The following FGF14 variants were observed in gnomAD, a reference collection of about 807,000 sequenced individuals.
FGF14 encodes the protein fibroblast growth factor homologous factor 4.
A neutral mutation model predicts 25.5 loss-of-function variants in FGF14; 5 were observed. That is an observed-to-expected ratio of 0.20 (90% CI 0.10 to 0.41). FGF14 has a LOEUF of 0.41. Among genes scored for constraint, FGF14 ranks in the 10% least tolerant of loss-of-function variants. The probability of loss-of-function intolerance (pLI) is 1.00; values close to 1 mark genes in which losing one functional copy is unlikely to be tolerated. For missense variants in FGF14, 222 were observed against 320.1 expected, an observed-to-expected ratio of 0.69 and a Z score of 2.34; for synonymous variants, 138 against 118.3, an observed-to-expected ratio of 1.17 and a Z score of -1.08.
chr13:101,926,058 G>A (rs577836334), intron 1 of FGF14, among the ~76,000 whole-genome samples: 2 of 152,246 alleles, frequency 1.3e-5, no homozygotes, highest in African/African-American at 2.4e-5. Flanking sequence ...AATAATCCAG[G>A]GGAATCTCCC....
At chr13:101,788,909 TAGAGAGAGAGAGAGAGAGAG>T (rs781347440) in intron 3 of FGF14, among the ~76,000 whole-genome samples, 6 of 31,214 alleles carry the variant, frequency 1.9e-4, no homozygotes, top group South Asian at 2.0e-3. Flanking sequence ...TATATATATA[TAGAGAGAGAGAGAGAGAGAG>T]AGAGAGAGAG....
At chr13:101,919,997 A>AG (rs1340483876), upstream of FGF14, among the ~76,000 whole-genome samples, 1 of 152,052 alleles carries the variant, frequency 6.6e-6, no homozygotes, top group Non-Finnish European at 1.5e-5. Flanking sequence ...GATCTTGGAG[A>AG]GGGGGGCAGC....
chr13:102,144,687 G>T (rs1421260465), intron 1 of FGF14, among the ~76,000 whole-genome samples: 1 of 152,096 alleles, frequency 6.6e-6, no homozygotes, highest in African/African-American at 2.4e-5. Context: ...TCAAATAATT[G>T]TGAATGGTAA....
chr13:101,922,802 TAC>T lies in FGF14; in HGVS notation c.209-47508_209-47507del, dbSNP rs1422938446. On this transcript the variant is annotated intron_variant, in intron 1 of 4. Coordinates refer to the FGF14 transcript ENST00000376131. ...TGCCTTCCAAGTAGATAAGTTTCGA[TAC>T]AGTTTACTAAAAAAAAAAAGTGCCT... 2.6e-5 allele frequency among the ~76,000 whole-genome samples: 4 copies of T among 151,384 alleles called. No individual in the cohort carries two copies. In the East Asian group the frequency reaches 7.7e-4, roughly 29 times the overall value.
At position 102,200,091 on chromosome 13, in the gene FGF14, A is replaced by T. The variant is rs187677418; in HGVS notation, c.208+201380T>A. Among the ~76,000 whole-genome samples the T allele has an allele frequency of 1.8e-3, 272 of 152,324 alleles. 1 individual carries two copies. Among genetic ancestry groups the T allele is most frequent in the African/African-American group, 6.3e-3 (260 of 41,568 alleles). The stretch of plus-strand genomic sequence containing the variant: ...TCATCTGTGATGGGGAGTCATTACT[A>T]TCTGCCGCATAGAGTTGCTAATAGG... On this transcript the variant is annotated intron_variant, in intron 1 of 4. Transcript: ENST00000376131.
intron 1 of FGF14, among the ~76,000 whole-genome samples, chr13:102,189,022 GA>G (rs1566797107): frequency 1.2e-3 from 86 of 70,658 alleles, no homozygotes; most frequent in Middle Eastern, 7.8e-3. Flanking sequence ...AAGAATGAAA[GA>G]AGAAAAGAAA....
chr13:101,740,181 G>T (rs768445414), intron 3 of FGF14, among the ~76,000 whole-genome samples: 5 of 152,158 alleles, frequency 3.3e-5, no homozygotes, highest in African/African-American at 1.2e-4. Flanking sequence ...GTAGCTTGCC[G>T]ATGTTCCCAG....
intron 1 of FGF14, among the ~76,000 whole-genome samples, chr13:102,130,890 A>G (rs572141679): frequency 6.6e-6 from 1 of 152,252 alleles, no homozygotes; most frequent in South Asian, 2.1e-4. Flanking sequence ...AAATGCTCAG[A>G]TTTTACTCTG....
At chr13:101,726,505 A>G (rs1422443724) in intron 4 of FGF14, 107 bp downstream of exon 4, 1 of 1,073,610 alleles carries the variant, frequency 9.3e-7, no homozygotes. Context: ...AATAAATGAC[A>G]TTTCCAGCAC....
intron 3 of FGF14, among the ~76,000 whole-genome samples, chr13:101,751,903 T>C (rs1269555097): frequency 6.6e-6 from 1 of 151,904 alleles, no homozygotes; most frequent in Non-Finnish European, 1.5e-5. Flanking sequence ...AAACCTTCTC[T>C]GGGGGAAAAA....
At chr13:101,900,885 T>A (rs989567675) in intron 1 of FGF14, among the ~76,000 whole-genome samples, 5 of 152,166 alleles carry the variant, frequency 3.3e-5, no homozygotes, top group Non-Finnish European at 5.9e-5. Context: ...AAAACTGCTA[T>A]ATTTATGAAA....
At chr13:102,044,187 C>A (rs2041872724) in intron 1 of FGF14, among the ~76,000 whole-genome samples, 1 of 152,084 alleles carries the variant, frequency 6.6e-6, no homozygotes, top group Non-Finnish European at 1.5e-5. Context: ...CCACTGACAT[C>A]CCCCTTGACT....
intron 1 of FGF14, among the ~76,000 whole-genome samples, chr13:102,218,995 C>T (rs975256354): frequency 6.6e-6 from 1 of 151,786 alleles, no homozygotes; most frequent in African/African-American, 2.4e-5. Context: ...ATTTGGATAC[C>T]GGCATACAAT....
intron 3 of FGF14, among the ~76,000 whole-genome samples, chr13:101,863,821 G>T (rs2044554270): frequency 6.6e-6 from 1 of 152,132 alleles, no homozygotes; most frequent in Admixed American, 6.6e-5. Flanking sequence ...TATAGATCCT[G>T]CAAGAAGATG....
At chr13:102,271,358 G>A (rs931763849) in intron 1 of FGF14, among the ~76,000 whole-genome samples, 26 of 152,134 alleles carry the variant, frequency 1.7e-4, no homozygotes, top group South Asian at 1.5e-3. Context: ...TCCATTTGCC[G>A]TGTTCCAGTC....
At chr13:102,144,196 C>T (rs1181548639) in intron 1 of FGF14, among the ~76,000 whole-genome samples, 3 of 152,040 alleles carry the variant, frequency 2.0e-5, no homozygotes, top group Non-Finnish European at 4.4e-5. Flanking sequence ...ATATCTATGG[C>T]ATGAGCTACT....
chr13:102,110,889 A>G (rs1432128474), intron 1 of FGF14, among the ~76,000 whole-genome samples: 1 of 152,182 alleles, frequency 6.6e-6, no homozygotes, highest in Non-Finnish European at 1.5e-5. Flanking sequence ...CTTTTCTGGA[A>G]ATACCATTAC....
intron 1 of FGF14, among the ~76,000 whole-genome samples, chr13:102,121,101 T>G (rs1424416028): frequency 6.6e-6 from 1 of 152,192 alleles, no homozygotes; most frequent in Non-Finnish European, 1.5e-5. Flanking sequence ...TTCCAAATCG[T>G]TAGTCCCTAT....
intron 1 of FGF14, among the ~76,000 whole-genome samples, chr13:102,170,765 C>A (rs1014684085): frequency 6.6e-6 from 1 of 152,158 alleles, no homozygotes; most frequent in Admixed American, 6.6e-5. Flanking sequence ...AAGGTAAACC[C>A]TTTTCATGGC....
Sources: gnomAD v4.1 joint callset for allele counts (sites outside exome capture counted in the v4.1 genomes callset) on GRCh38, gnomAD v4.1.1 for gene constraint, MANE v1.5 for transcripts, NCBI Gene and HGNC (gene_info 2026-07-23, HGNC 2026-07-21) for gene names.